The following SCFD2 variants were observed in gnomAD, a reference collection of about 807,000 sequenced individuals.
The protein encoded by SCFD2 is sec1 family domain containing 2.
SCFD2 carries 54 observed loss-of-function variants against 58.9 expected under a neutral mutation model. The ratio of observed to expected loss-of-function variants is 0.92; its 90% CI spans 0.74 to 1.15. The LOEUF (loss-of-function observed/expected upper bound fraction) is 1.15, where lower values mean the gene tolerates loss of function less well. Among genes scored for constraint, SCFD2 ranks in the 50% most tolerant of loss-of-function variants. The pLI is 0.00. For synonymous variants in SCFD2, 321 were observed against 335.9 expected, an observed-to-expected ratio of 0.96 and a Z score of 0.49; for missense variants, 805 against 836.6, an observed-to-expected ratio of 0.96 and a Z score of 0.47.
At chr4:52,960,454 C>T (rs1409024122) in intron 5 of SCFD2, among the ~76,000 whole-genome samples, 4 of 151,738 alleles carry the variant, frequency 2.6e-5, no homozygotes, top group African/African-American at 7.3e-5. Flanking sequence ...CCACAACCTC[C>T]GCCTCCCGGG....
At position 53,352,760 on chromosome 4, in the gene SCFD2, A is replaced by C. The variant is rs374835467; in HGVS notation, c.845T>G (p.Val282Gly). The change falls in exon 2 of 9, where the codon GTT becomes GGT. Residue 282 changes from valine to glycine, a missense_variant. Physicochemically the swap from Val to Gly is moderately radical, Grantham distance 109. This residue lies in a region of SCFD2 where 633 missense variants were observed against 646.8 expected (regional missense o/e 0.98). Coordinates refer to ENST00000401642, the MANE Select transcript of SCFD2 (RefSeq NM_152540.4). ...VDRTLDLTGA[V>G]GHHGDNLVEK... ...TACTAAGTTGTCTCCATGATGTCCA[A>C]CTGCTCCTGTTTAAGCAGACAAGAT... is the stretch of plus-strand genomic sequence containing the variant. The C allele has an allele frequency of 7.4e-6, 12 of 1,613,434 alleles. No homozygotes were observed. Among genetic ancestry groups the C allele is most frequent in the African/African-American group, 1.3e-5 (1 of 74,928 alleles).
intron 6 of SCFD2, among the ~76,000 whole-genome samples, chr4:52,908,841 C>T (rs983869452): frequency 1.3e-5 from 2 of 152,180 alleles, no homozygotes; most frequent in Admixed American, 1.3e-4. Context: ...GGGATACCAA[C>T]CTTTTTATGC....
chr4:53,193,776 C>T lies in SCFD2; in HGVS notation c.1312-48194G>A, dbSNP rs1163905550. 2.6e-5 allele frequency among the ~76,000 whole-genome samples: 4 copies of T among 152,082 alleles called. No individual in the cohort carries two copies. In the East Asian group the frequency reaches 7.7e-4, roughly 29 times the overall value. ...TTTGAGTACTTTTTGTTTCTATCAC[C>T]GTTGTTTTTAAAATATTTTATTCTT... On this transcript the variant is annotated intron_variant, in intron 4 of 8. Coordinates refer to ENST00000401642, the MANE Select transcript of SCFD2 (RefSeq NM_152540.4).
chr4:52,886,425 T>C (rs1036681347), intron 7 of SCFD2, among the ~76,000 whole-genome samples: 3 of 152,232 alleles, frequency 2.0e-5, no homozygotes, highest in African/African-American at 7.2e-5. Context: ...GTGTGACCTC[T>C]TTCTTCTTGG....
chr4:53,259,482 T>TC (rs1302922566), intron 4 of SCFD2, among the ~76,000 whole-genome samples: 1 of 152,214 alleles, frequency 6.6e-6, no homozygotes, highest in Non-Finnish European at 1.5e-5. Flanking sequence ...GGGTGTCTTT[T>TC]CCCCACTTTG....
intron 7 of SCFD2, among the ~76,000 whole-genome samples, chr4:52,898,402 C>T (rs1312161040): frequency 1.3e-5 from 2 of 152,190 alleles, no homozygotes; most frequent in Admixed American, 6.6e-5. Context: ...GCCTTCATTT[C>T]GTTATGCACC....
At chr4:53,153,763 A>G (rs1726582574) in intron 4 of SCFD2, among the ~76,000 whole-genome samples, 1 of 152,174 alleles carries the variant, frequency 6.6e-6, no homozygotes, top group African/African-American at 2.4e-5. Context: ...TCCCTTTTAA[A>G]TATCAATTCC....
chr4:52,971,292 C>A (rs1286407693), intron 5 of SCFD2, among the ~76,000 whole-genome samples: 1 of 152,104 alleles, frequency 6.6e-6, no homozygotes, highest in Non-Finnish European at 1.5e-5. Context: ...AAATGGCTAA[C>A]TAGAATAACC....
chr4:53,310,821 T>C (rs1056657893), intron 3 of SCFD2, among the ~76,000 whole-genome samples: 5 of 152,192 alleles, frequency 3.3e-5, no homozygotes, highest in African/African-American at 7.2e-5. Context: ...ATTTAAGATA[T>C]GAGGTTTCAA....
At chr4:53,260,507 T>A (rs1230029372) in intron 4 of SCFD2, among the ~76,000 whole-genome samples, 1 of 152,198 alleles carries the variant, frequency 6.6e-6, no homozygotes, top group African/African-American at 2.4e-5. Flanking sequence ...TGTTTTTAAT[T>A]CTGTTTATGT....
At chr4:53,162,165 C>CT (rs916019853) in intron 4 of SCFD2, among the ~76,000 whole-genome samples, 5 of 147,422 alleles carry the variant, frequency 3.4e-5, no homozygotes, top group African/African-American at 5.0e-5. Context: ...CCCTTGCTTG[C>CT]TTTTTTTTTT....
At chr4:53,087,374 A>T (rs1724336108) in intron 5 of SCFD2, among the ~76,000 whole-genome samples, 1 of 152,138 alleles carries the variant, frequency 6.6e-6, no homozygotes, top group African/African-American at 2.4e-5. Context: ...TCACTCTGTC[A>T]CCTAGGCTGG....
chr4:53,010,104 T>C (rs1350494310), intron 5 of SCFD2, among the ~76,000 whole-genome samples: 1 of 152,196 alleles, frequency 6.6e-6, no homozygotes, highest in Non-Finnish European at 1.5e-5. Context: ...GCCTCCCACA[T>C]GATAACTGAG....
intron 4 of SCFD2, among the ~76,000 whole-genome samples, chr4:53,222,499 C>G (rs1729077263): frequency 6.6e-6 from 1 of 152,102 alleles, no homozygotes; most frequent in South Asian, 2.1e-4. Context: ...ATATCCTGAA[C>G]TTACTTTTTA....
chr4:52,948,846 T>C (rs1720511879), intron 5 of SCFD2: 2 of 189,592 alleles, frequency 1.1e-5, no homozygotes, highest in African/African-American at 4.7e-5. Context: ...GTATATTCTC[T>C]TTCTCCCACA....
chr4:52,971,815 C>G (rs949102756), intron 5 of SCFD2, among the ~76,000 whole-genome samples: 1 of 152,212 alleles, frequency 6.6e-6, no homozygotes, highest in African/African-American at 2.4e-5. Context: ...AACAGCAGAT[C>G]TCTCCGCAGA....
At chr4:53,240,269 C>T (rs560684739) in intron 4 of SCFD2, among the ~76,000 whole-genome samples, 4 of 152,292 alleles carry the variant, frequency 2.6e-5, no homozygotes, top group Admixed American at 6.5e-5. Context: ...TTGATCGTAA[C>T]ACACACCATT....
intron 5 of SCFD2, among the ~76,000 whole-genome samples, chr4:53,008,128 G>A (rs1255467685): frequency 2.0e-5 from 3 of 152,160 alleles, no homozygotes; most frequent in Admixed American, 6.5e-5. Flanking sequence ...GGAAACTAAC[G>A]AGTGGAGGGC....
rs1336195309 is a variant in SCFD2 at position 53,006,281 on chromosome 4, A to C, written c.1562-85411T>G. Among the ~76,000 whole-genome samples the C allele has an allele frequency of 2.0e-5, 3 of 152,152 alleles. No individual in the cohort carries two copies. The East Asian group carries it at 5.8e-4, about 29-fold the overall frequency. ...GCCTCTATGTTCTCAACTTCTTTGAAACTTCCTTTCACCTTGCTCCACCTA... is the reference window on the plus strand; with the variant it reads ...GCCTCTATGTTCTCAACTTCTTTGACACTTCCTTTCACCTTGCTCCACCTA... On this transcript the variant is annotated intron_variant, in intron 5 of 8. Transcript: ENST00000401642.
Sources: gnomAD v4.1 joint callset for allele counts (sites outside exome capture counted in the v4.1 genomes callset) on GRCh38, gnomAD v4.1.1 for gene constraint, gnomAD v4.1.1 regional missense constraint, MANE v1.5 for transcripts, NCBI Gene and HGNC (gene_info 2026-07-23, HGNC 2026-07-21) for gene names.